RAB33A: variants seen among roughly 807,000 people sequenced by gnomAD.
RAB33A encodes the protein ras-related protein Rab-33A.
In RAB33A, 6 loss-of-function variants were observed where a neutral mutation model predicts 12.0. The ratio of observed to expected loss-of-function variants is 0.50; its 90% CI spans 0.27 to 0.99. The LOEUF is 0.99. Among genes scored for constraint, RAB33A ranks in the 50% least tolerant of loss-of-function variants. The probability of loss-of-function intolerance (pLI) is 0.11; values close to 1 mark genes in which losing one functional copy is unlikely to be tolerated. For synonymous variants in RAB33A, 70 were observed against 82.4 expected (o/e 0.85, Z 0.81); for missense variants, 109 against 192.0 (o/e 0.57, Z 2.55).
the RAB33A span, chrX:130,137,046 A>T: frequency 1.7e-6 from 2 of 1,209,211 alleles, no homozygotes; most frequent in Non-Finnish European, 2.2e-6. Flanking sequence ...CAAAGGAAAT[A>T]GAGTGGCAGC....
chrX:130,165,677 A>G, the RAB33A span: 1 of 1,149,754 alleles, frequency 8.7e-7, no homozygotes, highest in Non-Finnish European at 1.2e-6. Context: ...GCTATTCGGG[A>G]CCTCCTCCTT....
chrX:130,182,855 A>C lies in RAB33A; in HGVS notation c.259-1430A>C, dbSNP rs990704255. On this transcript the variant is annotated intron_variant, in intron 1 of 1. Coordinates refer to ENST00000257017, the MANE Select transcript of RAB33A (RefSeq NM_004794.3). ...TTCTCTTACAATTTAGTCTTTGAAA[A>C]CATTATTTTTAATGGCTGCATAATA... 2.7e-5 allele frequency among the ~76,000 whole-genome samples: 3 copies of C among 112,042 alleles called. No individual in the cohort carries two copies. In the Admixed American group the frequency reaches 2.8e-4, roughly 11 times the overall value.
At chrX:130,110,702 A>G in the RAB33A span, 1 of 105,662 alleles carries the variant, frequency 9.5e-6, no homozygotes, top group East Asian at 3.1e-4. Context: ...AGTTGGAGGG[A>G]GAGATGCAAA....
the RAB33A span, among the ~76,000 whole-genome samples, chrX:130,124,179 T>C: frequency 8.9e-6 from 1 of 111,807 alleles, no homozygotes; most frequent in Non-Finnish European, 1.9e-5. Flanking sequence ...TAGGTGACAC[T>C]GATAATCCCT....
At chrX:130,145,597 A>T in the RAB33A span, 1 of 1,084,149 alleles carries the variant, frequency 9.2e-7, no homozygotes, top group Admixed American at 2.2e-5. Flanking sequence ...GGAGAATATT[A>T]TAAGCATGTG....
chrX:130,144,688 C>T, the RAB33A span, among the ~76,000 whole-genome samples: 3 of 111,783 alleles, frequency 2.7e-5, no homozygotes, highest in Non-Finnish European at 5.6e-5. Flanking sequence ...CAACATACTG[C>T]GCAGATCTCT....
chrX:130,146,455 G>A, the RAB33A span, among the ~76,000 whole-genome samples: 1 of 63,598 alleles, frequency 1.6e-5, no homozygotes, highest in East Asian at 4.0e-4. Flanking sequence ...CAAAATATGT[G>A]TGTGTGTGTG....
At chrX:130,149,477 G>A in the RAB33A span, 67 of 1,204,315 alleles carry the variant, frequency 5.6e-5, no homozygotes, top group African/African-American at 8.1e-4. Flanking sequence ...ACCAGATAAC[G>A]CGGCCTTTTT....
At chrX:130,112,420 C>G in the RAB33A span, among the ~76,000 whole-genome samples, 6 of 112,122 alleles carry the variant, frequency 5.4e-5, no homozygotes, top group East Asian at 1.4e-3. Flanking sequence ...CGCGTGCACA[C>G]ACACACACTT....
the RAB33A span, among the ~76,000 whole-genome samples, chrX:130,117,909 G>A: frequency 8.9e-6 from 1 of 112,490 alleles, no homozygotes; most frequent in Non-Finnish European, 1.9e-5. Flanking sequence ...GGCCTTAGCT[G>A]ATCTCCCCAC....
At chrX:130,132,684 T>C in the RAB33A span, among the ~76,000 whole-genome samples, 1 of 111,955 alleles carries the variant, frequency 8.9e-6, no homozygotes, top group Non-Finnish European at 1.9e-5. Flanking sequence ...ATTAGAGGCA[T>C]GAGCAACCAT....
chrX:130,123,162 T>G, the RAB33A span, among the ~76,000 whole-genome samples: 1 of 111,578 alleles, frequency 9.0e-6, no homozygotes, highest in African/African-American at 3.3e-5. Flanking sequence ...ACTGAAAGAC[T>G]GTTGCAGACA....
chrX:130,117,230 A>C, the RAB33A span, among the ~76,000 whole-genome samples: 5 of 112,190 alleles, frequency 4.5e-5, no homozygotes, highest in East Asian at 2.8e-4. Context: ...AAACAAAAAA[A>C]CAAAAAACAG....
chrX:130,143,808 C>T, the RAB33A span, among the ~76,000 whole-genome samples: 1 of 110,122 alleles, frequency 9.1e-6, no homozygotes, highest in Admixed American at 9.7e-5. Flanking sequence ...GATCATGCCA[C>T]CGTACTCCAG....
At chrX:130,130,877 C>T in the RAB33A span, among the ~76,000 whole-genome samples, 1 of 111,929 alleles carries the variant, frequency 8.9e-6, no homozygotes. Context: ...ACTGTCCAGT[C>T]GACAAAGCAG....
the RAB33A span, among the ~76,000 whole-genome samples, chrX:130,144,891 G>A: frequency 1.3e-4 from 14 of 111,967 alleles, no homozygotes; most frequent in Admixed American, 1.0e-3. Flanking sequence ...TGTTCCTAAC[G>A]AAGGACAATC....
the RAB33A span, chrX:130,133,344 C>T: frequency 8.3e-7 from 1 of 1,211,471 alleles, no homozygotes; most frequent in Non-Finnish European, 1.1e-6. Context: ...TACGGCTTAG[C>T]AGCTCCAGTC....
the RAB33A span, among the ~76,000 whole-genome samples, chrX:130,160,834 C>T: frequency 3.7e-5 from 4 of 108,606 alleles, no homozygotes; most frequent in Non-Finnish European, 7.6e-5. Context: ...CTTGAGACCA[C>T]GAGTTTGAGA....
the RAB33A span, among the ~76,000 whole-genome samples, chrX:130,157,630 T>C: frequency 5.3e-5 from 6 of 112,337 alleles, 1 homozygote; most frequent in African/African-American, 1.9e-4. Flanking sequence ...TTAAATTTTA[T>C]ATAATTTTCA....
Sources: gnomAD v4.1 joint callset for allele counts (sites outside exome capture counted in the v4.1 genomes callset) on GRCh38, gnomAD v4.1.1 for gene constraint, MANE v1.5 for transcripts, NCBI Gene and HGNC (gene_info 2026-07-23, HGNC 2026-07-21) for gene names.